SAFB: variants seen among roughly 807,000 people sequenced by gnomAD.
The protein encoded by SAFB is scaffold attachment factor B1.
In SAFB, 15 loss-of-function variants were observed where a neutral mutation model predicts 101.6. The observed-to-expected ratio is 0.15, with a 90% CI of 0.10 to 0.23. SAFB has a LOEUF of 0.23. Ranked by LOEUF, SAFB falls within the 10% of genes least tolerant of loss-of-function variation. The pLI, the probability that SAFB is intolerant of heterozygous loss-of-function variation, is 1.00. For synonymous variants in SAFB, 449 were observed against 407.5 expected (o/e 1.10, Z -1.23); for missense variants, 930 against 1,104.1 (o/e 0.84, Z 2.23).
chr19:5,664,992 G>A (rs534982940), intron 17 of SAFB: 1 of 155,180 alleles, frequency 6.4e-6, no homozygotes, highest in East Asian at 1.9e-4. Context: ...AGACTTCCCA[G>A]GAGAGCCTTG....
chr19:5,656,632 A>C (rs2054068640), intron 13 of SAFB, among the ~76,000 whole-genome samples: 1 of 139,494 alleles, frequency 7.2e-6, no homozygotes, highest in African/African-American at 2.8e-5. Context: ...ACTGGAGTGT[A>C]GTGGCGCGTC....
intron 2 of SAFB, among the ~76,000 whole-genome samples, chr19:5,639,474 C>T (rs1409661014): frequency 6.6e-6 from 1 of 152,024 alleles, no homozygotes; most frequent in Non-Finnish European, 1.5e-5. Context: ...AGGTGGATCA[C>T]CTGAGGTCAG....
chr19:5,625,237 G>C (rs2053331928), intron 1 of SAFB, among the ~76,000 whole-genome samples: 1 of 152,154 alleles, frequency 6.6e-6, no homozygotes, highest in Admixed American at 6.5e-5. Flanking sequence ...TTTCCAGGAA[G>C]GGCAAAAGAA....
intron 8 of SAFB, 30 bp downstream of exon 8, chr19:5,650,005 G>A (rs1257488928): frequency 6.3e-7 from 1 of 1,587,226 alleles, no homozygotes; most frequent in African/African-American, 1.3e-5. Context: ...CCAGTCCCTT[G>A]GAGCATGTAT....
intron 2 of SAFB, among the ~76,000 whole-genome samples, chr19:5,640,502 A>T (rs1599338054): frequency 6.6e-6 from 1 of 151,490 alleles, no homozygotes; most frequent in Non-Finnish European, 1.5e-5. Flanking sequence ...AGTGGCTGGG[A>T]CTACAAGTGC....
intron 14 of SAFB, among the ~76,000 whole-genome samples, chr19:5,659,918 G>A (rs1431271502): frequency 1.3e-5 from 2 of 152,194 alleles, no homozygotes; most frequent in African/African-American, 4.8e-5. Flanking sequence ...CAGGTTGTGA[G>A]CATTTGGACA....
In SAFB at chr19:5,623,304, C is replaced by T. The variant is rs768385424; in HGVS notation, c.99C>T (p.Asp33=). 20 of 1,613,904 alleles carry T rather than the reference C, an allele frequency of 1.2e-5. No individual in the cohort carries two copies. The South Asian group carries it at 1.6e-4, about 13-fold the overall frequency. ...AGACCGGGACGCGGCGCCTCAGCGA[C>T]CTGCGAGTGATCGATCTGCGGGCGG... ...SSETGTRRLS[D]LRVIDLRAEL... The change falls in exon 1 of 21, where the codon GAC becomes GAT. Residue 33 remains aspartate, a synonymous_variant. Coordinates refer to ENST00000588852, the MANE Select transcript of SAFB (RefSeq NM_001201338.2).
chr19:5,667,534 C>A lies in SAFB; in HGVS notation c.2557+84C>A. ...GCCGCGCCTTCTCTCCTTGGGGGAG[C>A]ACAGGAGGTGCTCTGCTCTCAGTGC... On this transcript the variant is annotated intron_variant, in intron 19 of 20. Transcript: ENST00000588852. This position sits in a 1 kb window ranked among gnomAD's most constrained non-coding sequence, Gnocchi z 4.0. The A allele has an allele frequency of 4.2e-6, 4 of 957,308 alleles. No individual in the cohort carries two copies. Among genetic ancestry groups the A allele is most frequent in the Non-Finnish European group, 6.3e-6 (4 of 634,162 alleles). The allele number at this position is 957,308 out of a possible 1,614,324, so 59.3% of individuals were successfully genotyped here.
intron 14 of SAFB, among the ~76,000 whole-genome samples, chr19:5,660,777 A>G (rs1440780429): frequency 2.7e-5 from 4 of 150,616 alleles, no homozygotes; most frequent in African/African-American, 7.3e-5. Context: ...GACTGGAGAA[A>G]TGCACTAAAA....
At chr19:5,650,020 T>C (rs1298429595) in intron 8 of SAFB, 45 bp downstream of exon 8, 2 of 1,479,366 alleles carry the variant, frequency 1.4e-6, no homozygotes, top group African/African-American at 2.8e-5. Flanking sequence ...ATGTATGGCC[T>C]GGGCAGTGGC....
rs1407544185 is a variant in SAFB, at chr19:5,653,207, A to G, written c.1386A>G (p.Lys462=). 1 of 1,614,160 alleles carries G rather than the reference A, an allele frequency of 6.2e-7. No individual in the cohort carries two copies. Among genetic ancestry groups the G allele is most frequent in the Non-Finnish European group, 8.5e-7 (1 of 1,180,036 alleles). ...TGTCCACAGCAGAAGAGGCCACAAA[A>G]TGCATTAACCACCTGCACAAGACGG... is the stretch of plus-strand genomic sequence containing the variant. ...VTMSTAEEAT[K]CINHLHKTEL... is the part of the protein sequence containing the mutation. The change falls in exon 10 of 21, where the codon AAA becomes AAG. Residue 462 remains lysine (K), a synonymous_variant. Transcript: ENST00000588852.
chr19:5,650,562 C>T (rs2053916766), intron 8 of SAFB, among the ~76,000 whole-genome samples: 1 of 152,150 alleles, frequency 6.6e-6, no homozygotes, highest in Non-Finnish European at 1.5e-5. Flanking sequence ...TAAGCGCCCG[C>T]CACCACACCC....
At chr19:5,663,955 CCCACAAA>C in intron 15 of SAFB, 60 bp from the exon 16 acceptor site, 1 of 1,541,026 alleles carries the variant, frequency 6.5e-7, no homozygotes, top group South Asian at 1.2e-5. Flanking sequence ...GGGGCCAGCT[CCCACAAA>C]GGTGATAGAT....
At chr19:5,650,096 C>T (rs1424782178) in intron 8 of SAFB, 121 bp downstream of exon 8, 9 of 756,616 alleles carry the variant, frequency 1.2e-5, no homozygotes, top group Admixed American at 2.2e-5. Context: ...GACGTTTGTG[C>T]AGTCTTTCTC....
chr19:5,666,048 A>C (rs565720950), intron 17 of SAFB: 1 of 152,286 alleles, frequency 6.6e-6, no homozygotes, highest in South Asian at 2.1e-4. Context: ...TTGGACATGG[A>C]CAACAACCAG....
chr19:5,635,098 A>G (rs2053568165), intron 2 of SAFB, among the ~76,000 whole-genome samples: 1 of 152,084 alleles, frequency 6.6e-6, no homozygotes, highest in Admixed American at 6.5e-5. Flanking sequence ...AGATCACGCC[A>G]TTGCACTCCA....
In SAFB at chr19:5,666,365, C is replaced by T. The variant is rs146060494; in HGVS notation, c.2335-681C>T. 2.4e-3 allele frequency: 361 copies of T among 153,322 alleles called. 1 individual carries two copies. The highest frequency in any genetic ancestry group is 3.4e-3 in the Middle Eastern group (1 of 294). The allele number at this position is 153,322 out of a possible 1,614,324, so 9.5% of individuals were successfully genotyped here. ...TCAAGAACTCCTGGTCTGTGTTAGC[C>T]ACGTGGCTTACAAAAACAATGACAC... On this transcript the variant is annotated intron_variant, in intron 17 of 20. Coordinates refer to ENST00000588852, the MANE Select transcript of SAFB (RefSeq NM_001201338.2).
chr19:5,667,040 G>A lies in SAFB; in HGVS notation c.2335-6G>A. On this transcript the variant is annotated splice_polypyrimidine_tract_variant and splice_region_variant and intron_variant, in intron 17 of 20. Transcript: ENST00000588852. The surrounding 1 kb of genome is among the most constrained non-coding windows in gnomAD (Gnocchi z 4.0). ...TTTTTTTCCCTTCTGGCTCTGTGAT[G>A]TCCAGCATTACCCAGAACGCCATGG... 6.4e-7 allele frequency: 1 copy of A among 1,573,166 alleles called. No homozygotes were observed. Among genetic ancestry groups the A allele is most frequent in the South Asian group, 1.1e-5 (1 of 90,228 alleles).
intron 15 of SAFB, among the ~76,000 whole-genome samples, chr19:5,662,758 A>T (rs1450595251): frequency 6.8e-6 from 1 of 148,000 alleles, no homozygotes; most frequent in African/African-American, 2.5e-5. Context: ...CTCCTGCCTC[A>T]GCCTCCCTAG....
Sources: allele counts gnomAD v4.1 joint callset (sites outside exome capture counted in the v4.1 genomes callset), GRCh38; gene constraint gnomAD v4.1.1; non-coding constraint Gnocchi (gnomAD v3.1); transcripts MANE v1.5; gene names NCBI Gene and HGNC (gene_info 2026-07-23, HGNC 2026-07-21).